Variants in GUCY1A2 observed in about 807,000 individuals in gnomAD.
GUCY1A2 encodes guanylate cyclase 1 soluble subunit alpha 2.
Under a neutral mutation model 63.5 loss-of-function variants are expected in GUCY1A2, and 27 were observed. The observed-to-expected ratio is 0.43, with a 90% CI of 0.31 to 0.59. The LOEUF (loss-of-function observed/expected upper bound fraction) is 0.59, where lower values mean the gene tolerates loss of function less well. Among genes scored for constraint, GUCY1A2 ranks in the 20% least tolerant of loss-of-function variants. The pLI, the probability that GUCY1A2 is intolerant of heterozygous loss-of-function variation, is 0.11. For synonymous variants in GUCY1A2, 364 were observed against 343.5 expected, an observed-to-expected ratio of 1.06 and a Z score of -0.66; for missense variants, 768 against 913.3, an observed-to-expected ratio of 0.84 and a Z score of 2.05.
At chr11:106,774,958 A>G (rs1269909109) in intron 6 of GUCY1A2, among the ~76,000 whole-genome samples, 1 of 152,134 alleles carries the variant, frequency 6.6e-6, no homozygotes, top group African/African-American at 2.4e-5. Flanking sequence ...TAGTTACGTT[A>G]AAAATTGTCA....
At chr11:106,870,987 T>A (rs1286100722) in intron 4 of GUCY1A2, among the ~76,000 whole-genome samples, 1 of 152,166 alleles carries the variant, frequency 6.6e-6, no homozygotes, top group East Asian at 1.9e-4. Flanking sequence ...TTTCATTGGC[T>A]TATTATGATA....
At chr11:106,871,959 C>T (rs951157995) in intron 4 of GUCY1A2, among the ~76,000 whole-genome samples, 4 of 152,224 alleles carry the variant, frequency 2.6e-5, no homozygotes, top group South Asian at 2.1e-4. Context: ...CCAGCCTTGA[C>T]GTGTGTTCTA....
In GUCY1A2 at chr11:106,685,082, A is replaced by G. The variant is rs1862500707; in HGVS notation, c.*2467T>C. 1 of 207,620 alleles carries G rather than the reference A, an allele frequency of 4.8e-6. No individual in the cohort carries two copies. Among genetic ancestry groups the G allele is most frequent in the African/African-American group, 2.3e-5 (1 of 43,894 alleles). The allele number at this position is 207,620 out of a possible 1,614,324, so 12.9% of individuals were successfully genotyped here. A position where few individuals can be genotyped will look rare whatever the true frequency, so the allele number is the denominator to read the frequency against. On this transcript the variant is annotated 3_prime_UTR_variant, in exon 8 of 8. Coordinates refer to ENST00000526355, the MANE Select transcript of GUCY1A2 (RefSeq NM_000855.3). ...ATAATAGATTAGCAAAATGATAACA[A>G]ATTGGACCATTATCTCGGACTATAG...
At position 106,698,119 on chromosome 11, in the gene GUCY1A2, A is replaced by ATTTT. The variant is rs71470827; in HGVS notation, c.1992-10367_1992-10364dup. Among the ~76,000 whole-genome samples, 22 of 100,492 alleles carry ATTTT rather than the reference A, an allele frequency of 2.2e-4. 3 individuals carry two copies. Among genetic ancestry groups the ATTTT allele is most frequent in the South Asian group, 6.1e-4 (2 of 3,256 alleles). 65.9% of individuals were successfully genotyped at this position (100,492 alleles called of 152,430 possible). On this transcript the variant is annotated intron_variant, in intron 7 of 7. Coordinates refer to ENST00000526355, the MANE Select transcript of GUCY1A2 (RefSeq NM_000855.3). ...TTTACAGCTTTCACTGAATGTTAGA[A>ATTTT]TTTTTTTTTTTTTTTTTTTAGACAG...
At chr11:106,986,018 G>A in intron 2 of GUCY1A2, 52 bp downstream of exon 2, 1 of 906,430 alleles carries the variant, frequency 1.1e-6, no homozygotes, top group Non-Finnish European at 1.9e-6. Context: ...CTATGTTTGA[G>A]TAATTACCTT....
chr11:106,794,654 T>G (rs1864722794), intron 5 of GUCY1A2, among the ~76,000 whole-genome samples: 1 of 152,066 alleles, frequency 6.6e-6, no homozygotes, highest in South Asian at 2.1e-4. Flanking sequence ...ATTTAATTAT[T>G]AATATAACCC....
At chr11:106,721,065 A>ATT (rs71041688) in intron 6 of GUCY1A2, among the ~76,000 whole-genome samples, 48,363 of 144,834 alleles carry the variant, frequency 0.33, 8,418 homozygotes, top group Non-Finnish European at 0.37. Flanking sequence ...ATATTTGCAA[A>ATT]TTTTTTTTTT....
At chr11:106,716,748 G>A (rs1225592241) in intron 6 of GUCY1A2, among the ~76,000 whole-genome samples, 1 of 127,038 alleles carries the variant, frequency 7.9e-6, no homozygotes, top group Non-Finnish European at 1.6e-5. Flanking sequence ...CAGCCTGGGC[G>A]ACAGAGCCAG....
chr11:107,008,971 G>A (rs1292762178), intron 1 of GUCY1A2, among the ~76,000 whole-genome samples: 1 of 152,186 alleles, frequency 6.6e-6, no homozygotes, highest in East Asian at 1.9e-4. Context: ...ACAGTGAAAG[G>A]AAAATGAGTC....
chr11:106,925,361 C>A lies in GUCY1A2; in HGVS notation c.1206+14099G>T, dbSNP rs543785920. On this transcript the variant is annotated intron_variant, in intron 4 of 7. Coordinates refer to ENST00000526355, the MANE Select transcript of GUCY1A2 (RefSeq NM_000855.3). ...CACTGGTAGAATTTTAGAGCACATT[C>A]TTCTGTCTCTTACTGCCTGTGAGTT... is the stretch of plus-strand genomic sequence containing the variant. 7.2e-5 allele frequency among the ~76,000 whole-genome samples: 11 copies of A among 152,272 alleles called. No individual in the cohort carries two copies. In the South Asian group the frequency reaches 2.3e-3, roughly 32 times the overall value.
At chr11:106,703,223 T>C (rs542031151) in intron 7 of GUCY1A2, among the ~76,000 whole-genome samples, 7 of 152,258 alleles carry the variant, frequency 4.6e-5, no homozygotes, top group African/African-American at 1.4e-4. Flanking sequence ...TGTGGGACTT[T>C]ACCTTGTGAT....
intron 6 of GUCY1A2, among the ~76,000 whole-genome samples, chr11:106,760,624 A>G (rs1369314045): frequency 6.6e-6 from 1 of 152,210 alleles, no homozygotes; most frequent in Admixed American, 6.5e-5. Context: ...AAAAATAAAT[A>G]TTCCTGAAGA....
At chr11:106,701,858 G>A (rs899335850) in intron 7 of GUCY1A2, among the ~76,000 whole-genome samples, 4 of 152,136 alleles carry the variant, frequency 2.6e-5, no homozygotes, top group Admixed American at 2.0e-4. Flanking sequence ...ATTATGCATT[G>A]TAAACACTTA....
At chr11:106,850,111 G>A (rs1390441689) in intron 4 of GUCY1A2, among the ~76,000 whole-genome samples, 2 of 151,590 alleles carry the variant, frequency 1.3e-5, no homozygotes, top group Non-Finnish European at 3.0e-5. Context: ...TGCCCATTCT[G>A]ATGTTTCATA....
chr11:106,899,393 G>A (rs1456593472), intron 4 of GUCY1A2, among the ~76,000 whole-genome samples: 2 of 152,144 alleles, frequency 1.3e-5, no homozygotes, highest in Non-Finnish European at 2.9e-5. Context: ...TAAATAGCCT[G>A]CATATGAAAT....
At chr11:106,869,361 TGACA>T (rs1591308400) in intron 4 of GUCY1A2, among the ~76,000 whole-genome samples, 1 of 152,204 alleles carries the variant, frequency 6.6e-6, no homozygotes, top group African/African-American at 2.4e-5. Flanking sequence ...TCTGCTCATC[TGACA>T]AAGGGCGAAT....
chr11:106,711,581 C>T (rs1863119668), intron 6 of GUCY1A2, among the ~76,000 whole-genome samples: 3 of 152,104 alleles, frequency 2.0e-5, no homozygotes, highest in African/African-American at 7.2e-5. Context: ...ATCCAGAGCA[C>T]CCTCATGTTC....
chr11:106,763,961 C>T (rs375344945), intron 6 of GUCY1A2, among the ~76,000 whole-genome samples: 43 of 152,082 alleles, frequency 2.8e-4, no homozygotes, highest in Middle Eastern at 6.8e-3. Context: ...TTCTCTGATA[C>T]GGTTTTAAAT....
intron 4 of GUCY1A2, among the ~76,000 whole-genome samples, chr11:106,935,265 G>A (rs186894149): frequency 6.6e-6 from 1 of 152,250 alleles, no homozygotes; most frequent in Non-Finnish European, 1.5e-5. Flanking sequence ...AATAAATACG[G>A]AGACTGTTAT....
Sources: allele counts gnomAD v4.1 joint callset (sites outside exome capture counted in the v4.1 genomes callset), GRCh38; gene constraint gnomAD v4.1.1; transcripts MANE v1.5; gene names NCBI Gene and HGNC (gene_info 2026-07-23, HGNC 2026-07-21).